Variants in LDHA observed in about 807,000 individuals in gnomAD.
LDHA encodes lactate dehydrogenase A.
Under a neutral mutation model 36.3 loss-of-function variants are expected in LDHA, and 10 were observed. That is an observed-to-expected ratio of 0.28 (90% CI 0.17 to 0.47). The LOEUF is 0.47. Ranked by LOEUF, LDHA falls within the 20% of genes least tolerant of loss-of-function variation. The probability of loss-of-function intolerance (pLI) is 0.99; values close to 1 mark genes in which losing one functional copy is unlikely to be tolerated. For synonymous variants in LDHA, 110 were observed against 136.7 expected (o/e 0.80, Z 1.36); for missense variants, 267 against 405.8 (o/e 0.66, Z 2.94).
At chr11:18,405,899 T>G (rs1866664734) in intron 7 of LDHA, 1 of 305,522 alleles carries the variant, frequency 3.3e-6, no homozygotes, top group African/African-American at 2.2e-5. Flanking sequence ...ATGTTACTAT[T>G]TTTAATGACT....
At chr11:18,400,268 G>T (rs1261369551) in intron 3 of LDHA, 1 of 204,508 alleles carries the variant, frequency 4.9e-6, no homozygotes, top group African/African-American at 2.4e-5. Flanking sequence ...AGCCCAAATA[G>T]TGTCTATTTT....
At chr11:18,398,304 CTG>C (rs1210275329) in intron 2 of LDHA, among the ~76,000 whole-genome samples, 1 of 152,138 alleles carries the variant, frequency 6.6e-6, no homozygotes, top group Non-Finnish European at 1.5e-5. Flanking sequence ...TTATCCATAA[CTG>C]TTAGTATTGG....
At position 18,405,512 on chromosome 11, in the gene LDHA, T is replaced by C; in HGVS notation, c.774T>C (p.Asp258=). 6.2e-7 allele frequency: 1 copy of C among 1,613,958 alleles called. No homozygotes were observed. Among genetic ancestry groups the C allele is most frequent in the South Asian group, 1.1e-5 (1 of 91,070 alleles). ...GGGCTATTGGACTCTCTGTAGCAGATTTGGCAGAGAGTATAATGAAGAATC... is the reference window on the plus strand; with the variant it reads ...GGGCTATTGGACTCTCTGTAGCAGACTTGGCAGAGAGTATAATGAAGAATC... ...TSWAIGLSVA[D]LAESIMKNLR... is the part of the protein sequence containing the mutation. Residue 258 remains aspartate (D), a synonymous_variant, in exon 7 of 8, where the codon GAT becomes GAC. Coordinates refer to ENST00000422447, the MANE Select transcript of LDHA (RefSeq NM_005566.4).
chr11:18,403,067 T>C, intron 5 of LDHA, 54 bp downstream of exon 5: 2 of 1,458,692 alleles, frequency 1.4e-6, no homozygotes, highest in Non-Finnish European at 1.9e-6. Context: ...AAAAAGTCGA[T>C]GGGCATTATA....
chr11:18,407,897 GTTA>G lies in LDHA; in HGVS notation c.*621_*623del. 2 of 454,090 alleles carry G rather than the reference GTTA, an allele frequency of 4.4e-6. No homozygotes were observed. Among genetic ancestry groups the G allele is most frequent in the East Asian group, 6.9e-5 (1 of 14,402 alleles). The allele number at this position is 454,090 out of a possible 1,614,324, so 28.1% of individuals were successfully genotyped here. ...AAGATATAAAGTCATAAAGCTGCTA[GTTA>G]TTATATTAATTTGGAAATATTAGGC... On this transcript the variant is annotated 3_prime_UTR_variant, in exon 8 of 8. Transcript: ENST00000422447.
intron 1 of LDHA, chr11:18,394,988 C>T (rs981871095): frequency 3.1e-5 from 7 of 225,676 alleles, no homozygotes; most frequent in Admixed American, 5.1e-5. Context: ...AATCGGCGGG[C>T]GGTGCAAAAC....
In LDHA at chr11:18,405,433, G is replaced by T; in HGVS notation, c.711-16G>T. ...CCTGCTTTTTCTGCCTTTACCTATGGTTTCCTATCATACAGTGCTTATGAG... is the reference window on the plus strand; with the variant it reads ...CCTGCTTTTTCTGCCTTTACCTATGTTTTCCTATCATACAGTGCTTATGAG... On this transcript the variant is annotated splice_polypyrimidine_tract_variant and intron_variant, in intron 6 of 7. Coordinates refer to ENST00000422447, the MANE Select transcript of LDHA (RefSeq NM_005566.4). 6.2e-7 allele frequency: 1 copy of T among 1,612,054 alleles called. No homozygotes were observed. The highest frequency in any genetic ancestry group is 8.5e-7 in the Non-Finnish European group (1 of 1,179,578).
intron 6 of LDHA, among the ~76,000 whole-genome samples, chr11:18,404,091 C>T (rs1226513560): frequency 6.6e-6 from 1 of 151,706 alleles, no homozygotes; most frequent in Non-Finnish European, 1.5e-5. Context: ...CCATGACGCC[C>T]GGCTAATTTT....
At chr11:18,396,475 T>C (rs1436583053) in intron 1 of LDHA, 2 of 679,856 alleles carry the variant, frequency 2.9e-6, no homozygotes, top group East Asian at 3.4e-5. Flanking sequence ...GTGTCCTTGC[T>C]GTAGGAGCCG....
intron 7 of LDHA, chr11:18,406,820 C>T (rs1866701576): frequency 4.2e-6 from 1 of 238,354 alleles, no homozygotes; most frequent in African/African-American, 2.3e-5. Context: ...TTGAGACCAA[C>T]CTGGCCAACA....
intron 1 of LDHA, chr11:18,396,530 TGG>T (rs1866310581): frequency 7.5e-7 from 1 of 1,327,718 alleles, no homozygotes; most frequent in Non-Finnish European, 9.6e-7. Flanking sequence ...CAGCCCCACT[TGG>T]GGTTAATAAA....
At chr11:18,398,813 A>T (rs987730434) in intron 2 of LDHA, 1 of 157,832 alleles carries the variant, frequency 6.3e-6, no homozygotes, top group Non-Finnish European at 1.4e-5. Context: ...ACGGGGTTTC[A>T]CCATGTTAGC....
At chr11:18,406,524 C>T (rs1866687802) in intron 7 of LDHA, 1 of 152,048 alleles carries the variant, frequency 6.6e-6, no homozygotes, top group Admixed American at 6.6e-5. Context: ...CAAGACCAGC[C>T]TGACCAACAT....
chr11:18,408,279 A>G lies in LDHA; in HGVS notation c.*998A>G. ...GAAGCCCAGGTGGGCTGATCACTGG[A>G]GGCCAGGAATTGGGGACCAGCCTGG... On this transcript the variant is annotated 3_prime_UTR_variant, in exon 8 of 8. Coordinates refer to ENST00000422447, the MANE Select transcript of LDHA (RefSeq NM_005566.4). 1 of 441,448 alleles carries G rather than the reference A, an allele frequency of 2.3e-6. No homozygotes were observed. Among genetic ancestry groups the G allele is most frequent in the South Asian group, 1.6e-5 (1 of 62,090 alleles). 27.3% of individuals were successfully genotyped at this position (441,448 alleles called of 1,614,324 possible).
At chr11:18,403,857 A>C in intron 6 of LDHA, 46 bp downstream of exon 6, 1 of 1,072,362 alleles carries the variant, frequency 9.3e-7, no homozygotes, top group Non-Finnish European at 1.5e-6. Flanking sequence ...AACATTTACT[A>C]TTTTTATTTA....
intron 3 of LDHA, 184 bp from the exon 4 acceptor site, chr11:18,400,651 TAA>T: frequency 1.5e-6 from 1 of 675,424 alleles, no homozygotes; most frequent in South Asian, 1.5e-5. Context: ...TGTAGTTACA[TAA>T]AGTTACAACT....
In LDHA at chr11:18,408,051, TTGA is replaced by T; in HGVS notation, c.*772_*774del. The T allele has an allele frequency of 2.2e-6, 1 of 453,942 alleles. No individual in the cohort carries two copies. The highest frequency in any genetic ancestry group is 1.6e-5 in the South Asian group (1 of 64,402). The allele number at this position is 453,942 out of a possible 1,614,324, so 28.1% of individuals were successfully genotyped here. A position where few individuals can be genotyped will look rare whatever the true frequency, so the allele number is the denominator to read the frequency against. ...TTGTAAGTCCCAAAGTATTATATAT[TTGA>T]TAATAATGCTAATCATAATTGGAAA... On this transcript the variant is annotated 3_prime_UTR_variant, in exon 8 of 8. Coordinates refer to ENST00000422447, the MANE Select transcript of LDHA (RefSeq NM_005566.4).
At chr11:18,405,998 C>T (rs576795028) in intron 7 of LDHA, among the ~76,000 whole-genome samples, 5 of 152,092 alleles carry the variant, frequency 3.3e-5, no homozygotes, top group Admixed American at 3.3e-4. Context: ...AGACAGTCTC[C>T]CTCTGTCACC....
At position 18,396,919 on chromosome 11, in the gene LDHA, T is replaced by C; in HGVS notation, c.77T>C (p.Val26Ala). The C allele has an allele frequency of 8.1e-6, 13 of 1,614,012 alleles. No homozygotes were observed. The highest frequency in any genetic ancestry group is 1.1e-5 in the Non-Finnish European group (13 of 1,179,890). Residue 26 changes from valine (V) to alanine (A), a missense_variant, in exon 2 of 8, where the codon GTT becomes GCT. Physicochemically the swap from Val to Ala is moderately conservative, Grantham distance 64. Coordinates refer to ENST00000422447, the MANE Select transcript of LDHA (RefSeq NM_005566.4). ...ACCCCCCAGAATAAGATTACAGTTG[T>C]TGGGGTTGGTGCTGTTGGCATGGCC... The part of the protein sequence containing the change: ...EQTPQNKITV[V>A]GVGAVGMACA...
Sources: allele counts gnomAD v4.1 joint callset (sites outside exome capture counted in the v4.1 genomes callset), GRCh38; gene constraint gnomAD v4.1.1; transcripts MANE v1.5; gene names NCBI Gene and HGNC (gene_info 2026-07-23, HGNC 2026-07-21).